Variants in ACSM1 observed in about 807,000 individuals in gnomAD.
The protein encoded by ACSM1 is acyl-coenzyme A synthetase ACSM1, mitochondrial.
A neutral mutation model predicts 75.8 loss-of-function variants in ACSM1; 79 were observed. That is an observed-to-expected ratio of 1.04 (90% confidence interval 0.87 to 1.26). The LOEUF (loss-of-function observed/expected upper bound fraction) is 1.26, where lower values mean the gene tolerates loss of function less well. Ranked by LOEUF, ACSM1 falls within the 50% of genes most tolerant of loss-of-function variation. ACSM1 has a pLI of 0.00. For missense variants in ACSM1, 676 were observed against 720.1 expected, an observed-to-expected ratio of 0.94 and a Z score of 0.70; for synonymous variants, 279 against 265.8, an observed-to-expected ratio of 1.05 and a Z score of -0.48.
intron 7 of ACSM1, among the ~76,000 whole-genome samples, chr16:20,642,158 A>G (rs572126433): frequency 6.6e-6 from 1 of 152,218 alleles, no homozygotes; most frequent in South Asian, 2.1e-4. Context: ...GGTTTGGTCA[A>G]CGTGGGCACT....
chr16:20,656,485 A>T (rs1400753664), intron 7 of ACSM1, among the ~76,000 whole-genome samples: 1 of 152,198 alleles, frequency 6.6e-6, no homozygotes, highest in Non-Finnish European at 1.5e-5. Flanking sequence ...GTGACTAAAA[A>T]GTTAAAATAA....
At chr16:20,683,857 C>T (rs1199774701) in intron 3 of ACSM1, among the ~76,000 whole-genome samples, 1 of 152,080 alleles carries the variant, frequency 6.6e-6, no homozygotes, top group Non-Finnish European at 1.5e-5. Flanking sequence ...CCTAAGCCAC[C>T]ACCCAGGCCA....
intron 10 of ACSM1, among the ~76,000 whole-genome samples, chr16:20,631,837 G>A (rs1438130539): frequency 6.6e-6 from 1 of 152,156 alleles, no homozygotes; most frequent in Admixed American, 6.6e-5. Flanking sequence ...GGCAAAGAAT[G>A]ATATAATGGA....
At chr16:20,630,240 C>T (rs1475140949) in intron 10 of ACSM1, among the ~76,000 whole-genome samples, 5 of 151,768 alleles carry the variant, frequency 3.3e-5, no homozygotes, top group Non-Finnish European at 7.4e-5. Context: ...CGCATACCAC[C>T]GTGCCCGGCT....
chr16:20,625,589 T>C, intron 11 of ACSM1, 67 bp from the exon 12 acceptor site: 1 of 1,435,396 alleles, frequency 7.0e-7, no homozygotes, highest in Admixed American at 1.9e-5. Context: ...GATCTCCTGC[T>C]TTGGAGTCAC....
chr16:20,683,701 T>C lies in ACSM1; in HGVS notation c.404-1238A>G, dbSNP rs74520344. ...CACGCCTGGCTAATTCTTTCTTTCTTTCTCTCTCTCTCTCTCTTTCTTTCT... is the reference window on the plus strand; with the variant it reads ...CACGCCTGGCTAATTCTTTCTTTCTCTCTCTCTCTCTCTCTCTTTCTTTCT... On this transcript the variant is annotated intron_variant, in intron 3 of 13. Transcript: ENST00000520010. 5.6e-3 allele frequency among the ~76,000 whole-genome samples: 366 copies of C among 65,396 alleles called. 1 individual carries two copies. Among genetic ancestry groups the C allele is most frequent in the South Asian group, 0.033 (58 of 1,768 alleles). 42.9% of individuals were successfully genotyped at this position (65,396 alleles called of 152,430 possible).
At chr16:20,646,514 C>T (rs188981831) in intron 7 of ACSM1, among the ~76,000 whole-genome samples, 1 of 152,308 alleles carries the variant, frequency 6.6e-6, no homozygotes, top group Admixed American at 6.5e-5. Context: ...GTCTTACCCT[C>T]CTGTCCCAGA....
At chr16:20,690,007 T>C (rs970280171) in intron 2 of ACSM1, among the ~76,000 whole-genome samples, 2 of 152,224 alleles carry the variant, frequency 1.3e-5, no homozygotes, top group Non-Finnish European at 2.9e-5. Flanking sequence ...AATTAGATGA[T>C]TAAATGCAAG....
chr16:20,653,178 A>C (rs1253694308), intron 7 of ACSM1, among the ~76,000 whole-genome samples: 7 of 152,236 alleles, frequency 4.6e-5, no homozygotes, highest in Non-Finnish European at 8.8e-5. Context: ...ATAGATGCAG[A>C]AAAGGCCTTT....
chr16:20,674,786 G>A (rs2020166100), intron 4 of ACSM1: 1 of 152,302 alleles, frequency 6.6e-6, no homozygotes, highest in South Asian at 2.1e-4. Flanking sequence ...AACCTGAGAT[G>A]GGGCTGCAGG....
chr16:20,624,534 C>T (rs1026398091), intron 12 of ACSM1, among the ~76,000 whole-genome samples: 2 of 152,030 alleles, frequency 1.3e-5, no homozygotes, highest in East Asian at 1.9e-4. Flanking sequence ...TTATTACTCC[C>T]GTCATCAATA....
At chr16:20,653,744 A>G (rs909105877) in intron 7 of ACSM1, among the ~76,000 whole-genome samples, 6 of 152,138 alleles carry the variant, frequency 3.9e-5, no homozygotes, top group African/African-American at 1.2e-4. Context: ...ACTGCTCAAC[A>G]AAATAAAAGA....
intron 7 of ACSM1, among the ~76,000 whole-genome samples, chr16:20,660,465 C>T (rs2019237756): frequency 6.6e-6 from 1 of 152,102 alleles, no homozygotes; most frequent in African/African-American, 2.4e-5. Context: ...CTTCCTCATT[C>T]TTTTGAAGCT....
At chr16:20,635,952 T>C (rs1175275368) in intron 10 of ACSM1, among the ~76,000 whole-genome samples, 3 of 152,160 alleles carry the variant, frequency 2.0e-5, no homozygotes, top group Non-Finnish European at 4.4e-5. Flanking sequence ...TTTTCTTTTA[T>C]CCAATCTTTA....
chr16:20,672,464 AAAAAAAAATATAT>A (rs1180897214), intron 4 of ACSM1, among the ~76,000 whole-genome samples: 1 of 114,756 alleles, frequency 8.7e-6, no homozygotes, highest in Non-Finnish European at 1.7e-5. Context: ...AAAAAAAAAA[AAAAAAAAATATAT>A]ATATATATAT....
chr16:20,634,679 A>T (rs1022283779), intron 10 of ACSM1, among the ~76,000 whole-genome samples: 3 of 152,212 alleles, frequency 2.0e-5, no homozygotes, highest in Non-Finnish European at 4.4e-5. Context: ...ATTAGAGATT[A>T]TCATGTGCTG....
rs981219212 is a variant in ACSM1 at position 20,648,078 on chromosome 16, T to A, written c.993-7494A>T. On this transcript the variant is annotated intron_variant, in intron 7 of 13. Transcript: ENST00000520010. This position sits in a 1 kb window ranked among gnomAD's most constrained non-coding sequence, Gnocchi z 4.2. ...TGCTCCCACTTTACTTCTCAAATTG[T>A]CTTTTTCTCAATCCTTTGACTCTGC... 5.3e-5 allele frequency among the ~76,000 whole-genome samples: 8 copies of A among 152,168 alleles called. No homozygotes were observed. Among genetic ancestry groups the A allele is most frequent in the Admixed American group, 5.2e-4 (8 of 15,286 alleles).
chr16:20,667,370 C>T (rs2019628051), intron 6 of ACSM1, among the ~76,000 whole-genome samples: 1 of 152,094 alleles, frequency 6.6e-6, no homozygotes, highest in Admixed American at 6.6e-5. Context: ...AGACACTTCT[C>T]AAAAGAAGAC....
At position 20,648,514 on chromosome 16, in the gene ACSM1, G is replaced by C. The variant is rs2018477306; in HGVS notation, c.993-7930C>G. ...AAGAGGTCAGGCCATGATGGAAATG[G>C]GTGGTTGGATGTACCTCATTATACC... On this transcript the variant is annotated intron_variant, in intron 7 of 13. Coordinates refer to ENST00000520010, the MANE Select transcript of ACSM1 (RefSeq NM_001318890.3). This position sits in a 1 kb window ranked among gnomAD's most constrained non-coding sequence, Gnocchi z 4.2. 1.3e-5 allele frequency among the ~76,000 whole-genome samples: 2 copies of C among 152,242 alleles called. No individual in the cohort carries two copies. Among genetic ancestry groups the C allele is most frequent in the African/African-American group, 4.8e-5 (2 of 41,528 alleles).
Sources: gnomAD v4.1 joint callset for allele counts (sites outside exome capture counted in the v4.1 genomes callset) on GRCh38, gnomAD v4.1.1 for gene constraint, Gnocchi (gnomAD v3.1) non-coding constraint, MANE v1.5 for transcripts, NCBI Gene and HGNC (gene_info 2026-07-23, HGNC 2026-07-21) for gene names.